PDSS2: variants seen among roughly 807,000 people sequenced by gnomAD.
PDSS2 encodes all trans-polyprenyl-diphosphate synthase PDSS2.
In PDSS2, 31 loss-of-function variants were observed where a neutral mutation model predicts 44.5. The observed-to-expected ratio is 0.70, with a 90% CI of 0.52 to 0.94. The LOEUF (loss-of-function observed/expected upper bound fraction) is 0.94. Ranked by LOEUF, PDSS2 falls within the 40% of genes least tolerant of loss-of-function variation. The pLI is 0.00. For missense variants in PDSS2, 452 were observed against 482.2 expected, an observed-to-expected ratio of 0.94 and a Z score of 0.59; for synonymous variants, 157 against 180.3, an observed-to-expected ratio of 0.87 and a Z score of 1.03.
chr6:107,373,690 C>T (rs1281784859), intron 1 of PDSS2, among the ~76,000 whole-genome samples: 1 of 152,142 alleles, frequency 6.6e-6, no homozygotes, highest in Non-Finnish European at 1.5e-5. Flanking sequence ...AGCTAATGTC[C>T]CTCTACAAGG....
chr6:107,188,679 G>A (rs1772262785), intron 7 of PDSS2, among the ~76,000 whole-genome samples: 1 of 152,154 alleles, frequency 6.6e-6, no homozygotes, highest in Non-Finnish European at 1.5e-5. Context: ...CCTCATGAAT[G>A]GCTTAGTGCC....
At chr6:107,246,120 G>A (rs1057493094) in intron 3 of PDSS2, among the ~76,000 whole-genome samples, 8 of 152,078 alleles carry the variant, frequency 5.3e-5, no homozygotes, top group African/African-American at 1.9e-4. Context: ...TTACTGTGGG[G>A]TCCCTGGGTC....
At chr6:107,184,600 A>C (rs1305157974) in intron 7 of PDSS2, among the ~76,000 whole-genome samples, 1 of 152,214 alleles carries the variant, frequency 6.6e-6, no homozygotes, top group East Asian at 1.9e-4. Flanking sequence ...ATGCAAATGC[A>C]TTTTATAATA....
At chr6:107,414,278 T>G (rs559484554) in intron 1 of PDSS2, among the ~76,000 whole-genome samples, 30 of 152,336 alleles carry the variant, frequency 2.0e-4, no homozygotes, top group South Asian at 1.2e-3. Context: ...ACAGTAATTA[T>G]TCCTAAAATG....
intron 1 of PDSS2, among the ~76,000 whole-genome samples, chr6:107,409,158 G>A (rs1323199506): frequency 6.6e-6 from 1 of 152,142 alleles, no homozygotes; most frequent in East Asian, 1.9e-4. Context: ...AAAATATTAA[G>A]CAGCAAGAAT....
At chr6:107,225,970 T>G (rs1349777673) in intron 4 of PDSS2, among the ~76,000 whole-genome samples, 1 of 152,180 alleles carries the variant, frequency 6.6e-6, no homozygotes, top group Non-Finnish European at 1.5e-5. Flanking sequence ...CTCATAGTTA[T>G]TACAGTCTAA....
At chr6:107,408,097 G>A (rs534167551) in intron 1 of PDSS2, among the ~76,000 whole-genome samples, 28 of 151,742 alleles carry the variant, frequency 1.8e-4, no homozygotes, top group Middle Eastern at 3.4e-3. Context: ...GCATGATCTT[G>A]GCTCACTGCA....
rs201099410 is a variant in PDSS2 at position 107,297,742 on chromosome 6, T to TTTTATTTA, written c.432-23523_432-23516dup. ...GATGAAGATTATATTGGAAACAAAA[T>TTTTATTTA]TTTATTTATTTATTTATTTATTTGA... On this transcript the variant is annotated intron_variant, in intron 2 of 7. Coordinates refer to ENST00000369037, the MANE Select transcript of PDSS2 (RefSeq NM_020381.4). Among the ~76,000 whole-genome samples, 831 of 151,374 alleles carry TTTTATTTA rather than the reference T, an allele frequency of 5.5e-3. 6 individuals are homozygous for TTTTATTTA. The highest frequency in any genetic ancestry group is 0.02 in the African/African-American group (813 of 41,206).
chr6:107,225,910 T>G (rs918345063), intron 4 of PDSS2, among the ~76,000 whole-genome samples: 1 of 152,250 alleles, frequency 6.6e-6, no homozygotes, highest in African/African-American at 2.4e-5. Context: ...ATATCTTCTA[T>G]GTGCAAGGTA....
intron 2 of PDSS2, among the ~76,000 whole-genome samples, chr6:107,307,033 C>T (rs1325401560): frequency 6.6e-6 from 1 of 152,180 alleles, no homozygotes; most frequent in Non-Finnish European, 1.5e-5. Context: ...TGTGTCTGCC[C>T]ATGACTTCTC....
chr6:107,286,752 T>C (rs1379765952), intron 2 of PDSS2, among the ~76,000 whole-genome samples: 1 of 151,788 alleles, frequency 6.6e-6, no homozygotes, highest in Non-Finnish European at 1.5e-5. Context: ...ACTAATAATT[T>C]AGAAAAGAGT....
chr6:107,316,068 A>G (rs977702037), intron 2 of PDSS2, among the ~76,000 whole-genome samples: 11 of 152,232 alleles, frequency 7.2e-5, no homozygotes, highest in Non-Finnish European at 1.0e-4. Context: ...TATGTTATAG[A>G]AAAAATTCCT....
chr6:107,376,793 A>G (rs1259010687), intron 1 of PDSS2, among the ~76,000 whole-genome samples: 1 of 152,142 alleles, frequency 6.6e-6, no homozygotes, highest in African/African-American at 2.4e-5. Flanking sequence ...TTCCAACACT[A>G]TGTTGAATAG....
chr6:107,415,712 A>G (rs1780637005), intron 1 of PDSS2, among the ~76,000 whole-genome samples: 1 of 152,236 alleles, frequency 6.6e-6, no homozygotes, highest in South Asian at 2.1e-4. Flanking sequence ...ACCTAAAGTC[A>G]TATTCAAAAA....
chr6:107,344,539 C>G (rs1778180716), intron 1 of PDSS2, among the ~76,000 whole-genome samples: 1 of 152,094 alleles, frequency 6.6e-6, no homozygotes, highest in African/African-American at 2.4e-5. Flanking sequence ...GCATTAAATC[C>G]TCGAGGGACA....
intron 4 of PDSS2, among the ~76,000 whole-genome samples, chr6:107,225,212 C>T (rs2114704014): frequency 8.4e-6 from 1 of 119,396 alleles, no homozygotes; most frequent in South Asian, 2.6e-4. Context: ...CACTCTGTTG[C>T]CCAGGCTGGA....
At chr6:107,168,999 A>G (rs1346410515) in intron 7 of PDSS2, among the ~76,000 whole-genome samples, 11 of 151,856 alleles carry the variant, frequency 7.2e-5, no homozygotes, top group Admixed American at 6.6e-4. Context: ...CGTTCTCTGT[A>G]TTTCCTGAAT....
At chr6:107,378,289 GA>G (rs1319100813) in intron 1 of PDSS2, among the ~76,000 whole-genome samples, 1 of 149,360 alleles carries the variant, frequency 6.7e-6, no homozygotes, top group Non-Finnish European at 1.5e-5. Flanking sequence ...AAGAAAAGAA[GA>G]CACACGGGCT....
intron 1 of PDSS2, among the ~76,000 whole-genome samples, chr6:107,422,973 T>C (rs1780875631): frequency 6.6e-6 from 1 of 152,078 alleles, no homozygotes; most frequent in Non-Finnish European, 1.5e-5. Context: ...ATAGAAAAAA[T>C]AAAACTACCC....
Sources: gnomAD v4.1 joint callset for allele counts (sites outside exome capture counted in the v4.1 genomes callset) on GRCh38, gnomAD v4.1.1 for gene constraint, MANE v1.5 for transcripts, NCBI Gene and HGNC (gene_info 2026-07-23, HGNC 2026-07-21) for gene names.